GLIS1: variants seen among roughly 807,000 people sequenced by gnomAD.
GLIS1 encodes the protein GLIS family zinc finger 1, also known as zinc finger protein GLIS1.
Under a neutral mutation model 63.8 loss-of-function variants are expected in GLIS1, and 24 were observed. The ratio of observed to expected loss-of-function variants is 0.38; its 90% confidence interval spans 0.27 to 0.53. The LOEUF is 0.53. Ranked by LOEUF, GLIS1 falls within the 20% of genes least tolerant of loss-of-function variation. GLIS1 has a pLI of 0.85. For synonymous variants in GLIS1, 450 were observed against 482.5 expected (o/e 0.93, Z 0.88); for missense variants, 1,036 against 1,074.1 (o/e 0.96, Z 0.50).
intron 2 of GLIS1, among the ~76,000 whole-genome samples, chr1:53,692,741 G>A (rs1646420118): frequency 6.6e-6 from 1 of 152,234 alleles, no homozygotes; most frequent in African/African-American, 2.4e-5. Context: ...GTGAAGAAGG[G>A]AAGTTGGGGA....
chr1:53,642,547 C>T (rs973582573), intron 2 of GLIS1, among the ~76,000 whole-genome samples: 4 of 152,186 alleles, frequency 2.6e-5, no homozygotes, highest in African/African-American at 7.2e-5. Flanking sequence ...TGCTAATGAA[C>T]GCCTGTCTAT....
chr1:53,697,646 GA>G (rs1488740439), intron 2 of GLIS1, among the ~76,000 whole-genome samples: 17 of 152,250 alleles, frequency 1.1e-4, no homozygotes, highest in African/African-American at 3.9e-4. Flanking sequence ...CTTCTGGAAG[GA>G]CCTACCCATC....
At chr1:53,604,114 C>G (rs1645346131) in intron 2 of GLIS1, among the ~76,000 whole-genome samples, 3 of 152,212 alleles carry the variant, frequency 2.0e-5, no homozygotes, top group African/African-American at 7.2e-5. Context: ...TGGCATGAGG[C>G]CTAGCTCACA....
Position 53,539,129 on chromosome 1 carries a change from C to T in GLIS1, c.1321-9177G>A, listed in dbSNP as rs1644612869. 6.6e-6 allele frequency among the ~76,000 whole-genome samples: 1 copy of T among 151,964 alleles called. No homozygotes were observed. The highest frequency in any genetic ancestry group is 2.4e-5 in the African/African-American group (1 of 41,312). On this transcript the variant is annotated intron_variant, in intron 4 of 10. Transcript: ENST00000628545. The surrounding 1 kb of genome is among the most constrained non-coding windows in gnomAD (Gnocchi z 5.0). ...TGGCTGACACATGTACACCAAGCCA[C>T]CAGCCACAGGCCCAGAAACGTGGAC...
chr1:53,555,693 T>C (rs990629872), intron 4 of GLIS1, among the ~76,000 whole-genome samples: 1 of 152,256 alleles, frequency 6.6e-6, no homozygotes. Context: ...ACACCTACTA[T>C]GTACGTACAA....
At chr1:53,549,615 T>C (rs1420373974) in intron 4 of GLIS1, among the ~76,000 whole-genome samples, 9 of 152,368 alleles carry the variant, frequency 5.9e-5, no homozygotes, top group Non-Finnish European at 1.5e-5. Context: ...TTTTAAGTTA[T>C]GTTATCTTTT....
At chr1:53,570,652 A>C (rs1644976062) in intron 4 of GLIS1, among the ~76,000 whole-genome samples, 1 of 152,200 alleles carries the variant, frequency 6.6e-6, no homozygotes, top group Non-Finnish European at 1.5e-5. Context: ...AGGCTCATAG[A>C]TATACAGAGT....
rs1399492556 is a variant in GLIS1, at chr1:53,526,582, C to G, written c.1483-1695G>C. 1.3e-5 allele frequency among the ~76,000 whole-genome samples: 2 copies of G among 152,118 alleles called. No homozygotes were observed. Among genetic ancestry groups the G allele is most frequent in the Non-Finnish European group, 2.9e-5 (2 of 68,018 alleles). On this transcript the variant is annotated intron_variant, in intron 5 of 10. Transcript: ENST00000628545. This position sits in a 1 kb window ranked among gnomAD's most constrained non-coding sequence, Gnocchi z 4.4. The stretch of plus-strand genomic sequence containing the variant: ...CCACCACCACCACACACACACACCA[C>G]ACCATACACACCCACGCACGGCACA...
At chr1:53,577,360 C>A (rs1263659175) in intron 4 of GLIS1, among the ~76,000 whole-genome samples, 1 of 152,112 alleles carries the variant, frequency 6.6e-6, no homozygotes, top group African/African-American at 2.4e-5. Flanking sequence ...GGGCTCCCCA[C>A]CCCACCCCAT....
At chr1:53,647,882 A>T (rs993999497) in intron 2 of GLIS1, among the ~76,000 whole-genome samples, 1 of 152,188 alleles carries the variant, frequency 6.6e-6, no homozygotes, top group African/African-American at 2.4e-5. Flanking sequence ...CTCAATTAAA[A>T]AAAACTTCCC....
intron 2 of GLIS1, among the ~76,000 whole-genome samples, chr1:53,727,755 TC>T (rs1448437657): frequency 6.6e-6 from 1 of 152,002 alleles, no homozygotes; most frequent in African/African-American, 2.4e-5. Flanking sequence ...GTGAGGAGAC[TC>T]CCCCAGGGTC....
chr1:53,544,030 G>C (rs892611280), intron 4 of GLIS1, among the ~76,000 whole-genome samples: 1 of 152,174 alleles, frequency 6.6e-6, no homozygotes, highest in Non-Finnish European at 1.5e-5. Context: ...TCTGGGGCGC[G>C]CAGCCCAGCC....
At position 53,574,359 on chromosome 1, in the gene GLIS1, G is replaced by A. The variant is rs1261584217; in HGVS notation, c.1320+19749C>T. On this transcript the variant is annotated intron_variant, in intron 4 of 10. Coordinates refer to ENST00000628545, the MANE Select transcript of GLIS1 (RefSeq NM_001367484.1). The surrounding 1 kb of genome is among the most constrained non-coding windows in gnomAD (Gnocchi z 4.2). ...ATGCACATGGCCTGGCATATTCTGG[G>A]TACTCAATAAGATTATTGAATGAAT... is the stretch of plus-strand genomic sequence containing the variant. Among the ~76,000 whole-genome samples the A allele has an allele frequency of 1.3e-5, 2 of 152,162 alleles. No individual in the cohort carries two copies. Among genetic ancestry groups the A allele is most frequent in the East Asian group, 3.8e-4 (2 of 5,196 alleles).
intron 2 of GLIS1, among the ~76,000 whole-genome samples, chr1:53,707,671 A>G (rs905722304): frequency 3.2e-4 from 49 of 151,564 alleles, no homozygotes; most frequent in African/African-American, 1.1e-3. Flanking sequence ...AGAAATCAAA[A>G]CCATTTATTG....
chr1:53,511,859 C>T lies in GLIS1; in HGVS notation c.1884-1832G>A, dbSNP rs1312952032. Among the ~76,000 whole-genome samples the T allele has an allele frequency of 1.3e-5, 2 of 152,168 alleles. No homozygotes were observed. Among genetic ancestry groups the T allele is most frequent in the Admixed American group, 1.3e-4 (2 of 15,274 alleles). On this transcript the variant is annotated intron_variant, in intron 8 of 10. Coordinates refer to ENST00000628545, the MANE Select transcript of GLIS1 (RefSeq NM_001367484.1). This position sits in a 1 kb window ranked among gnomAD's most constrained non-coding sequence, Gnocchi z 4.2. The stretch of plus-strand genomic sequence containing the variant: ...CCTTATCCCCATCCCATCTGGGCAC[C>T]CACAACCCAGCCCTCCCCTGGTTTC...
chr1:53,631,896 G>T (rs1232913047), intron 2 of GLIS1, among the ~76,000 whole-genome samples: 4 of 152,122 alleles, frequency 2.6e-5, no homozygotes, highest in African/African-American at 9.7e-5. Context: ...AAGCCAGTGG[G>T]CTGGTGTGGA....
intron 2 of GLIS1, among the ~76,000 whole-genome samples, chr1:53,710,751 C>A (rs529813778): frequency 2.6e-5 from 4 of 152,192 alleles, no homozygotes; most frequent in African/African-American, 9.7e-5. Flanking sequence ...GGGCCTGTCA[C>A]GCTCGTGCAA....
intron 2 of GLIS1, among the ~76,000 whole-genome samples, chr1:53,710,765 TG>T (rs1351679487): frequency 6.6e-6 from 1 of 152,170 alleles, no homozygotes; most frequent in African/African-American, 2.4e-5. Flanking sequence ...CGTGCAAACG[TG>T]GTGCCTCCCA....
chr1:53,628,816 G>C (rs1367476000), intron 2 of GLIS1, among the ~76,000 whole-genome samples: 2 of 152,134 alleles, frequency 1.3e-5, no homozygotes, highest in Non-Finnish European at 2.9e-5. Context: ...ATAGGGACGG[G>C]AAACAGCACC....
Sources: allele counts gnomAD v4.1 joint callset (sites outside exome capture counted in the v4.1 genomes callset), GRCh38; gene constraint gnomAD v4.1.1; non-coding constraint Gnocchi (gnomAD v3.1); transcripts MANE v1.5; gene names NCBI Gene and HGNC (gene_info 2026-07-23, HGNC 2026-07-21).